BBS2: variants seen among roughly 807,000 people sequenced by gnomAD.
BBS2 encodes the protein BBSome complex member BBS2.
BBS2 carries 62 observed loss-of-function variants against 83.0 expected under a neutral mutation model. The observed-to-expected ratio is 0.75, with a 90% CI of 0.61 to 0.92. BBS2 has a LOEUF of 0.92. BBS2 is among the 40% of genes least tolerant of loss of function. The probability of loss-of-function intolerance (pLI) is 0.00; values close to 1 mark genes in which losing one functional copy is unlikely to be tolerated. For missense variants in BBS2, 784 were observed against 901.0 expected (o/e 0.87, Z 1.66); for synonymous variants, 303 against 326.1 (o/e 0.93, Z 0.76).
chr16:56,496,122 ACT>A (rs1964110055), intron 15 of BBS2, among the ~76,000 whole-genome samples: 1 of 152,190 alleles, frequency 6.6e-6, no homozygotes, highest in South Asian at 2.1e-4. Context: ...CACAAGCAGC[ACT>A]CTGAGTGAAC....
chr16:56,518,822 A>G (rs775846199), intron 1 of BBS2, among the ~76,000 whole-genome samples: 1 of 102,326 alleles, frequency 9.8e-6, no homozygotes, highest in Non-Finnish European at 2.5e-5. Context: ...TCCAAAATCT[A>G]TACAGAAGGT....
At chr16:56,512,501 A>G (rs1414500561) in intron 2 of BBS2, among the ~76,000 whole-genome samples, 1 of 152,226 alleles carries the variant, frequency 6.6e-6, no homozygotes, top group Non-Finnish European at 1.5e-5. Context: ...ACCATAGTAT[A>G]TTCACACAAT....
intron 17 of BBS2, among the ~76,000 whole-genome samples, chr16:56,471,467 C>T (rs1963181465): frequency 6.6e-6 from 1 of 151,912 alleles, no homozygotes. Context: ...CTGAATATAA[C>T]AGCCTAAGAA....
intron 15 of BBS2, among the ~76,000 whole-genome samples, chr16:56,491,725 C>CAAAA (rs773397021): frequency 2.0e-3 from 86 of 43,090 alleles, no homozygotes; most frequent in East Asian, 3.2e-3. Flanking sequence ...AACTCAACAG[C>CAAAA]AAAAAAAAAA....
chr16:56,506,768 C>T (rs1015599073), intron 5 of BBS2, among the ~76,000 whole-genome samples: 31 of 152,064 alleles, frequency 2.0e-4, no homozygotes, highest in African/African-American at 4.8e-4. Flanking sequence ...AACCCAGGCA[C>T]GTGGATTTGT....
intron 1 of BBS2, among the ~76,000 whole-genome samples, chr16:56,515,557 C>T (rs1964713089): frequency 6.6e-6 from 1 of 152,174 alleles, no homozygotes; most frequent in Non-Finnish European, 1.5e-5. Flanking sequence ...ATGAAAAACA[C>T]TGGACTAGGG....
At chr16:56,514,987 C>G (rs1964692781) in intron 1 of BBS2, among the ~76,000 whole-genome samples, 1 of 152,160 alleles carries the variant, frequency 6.6e-6, no homozygotes, top group Non-Finnish European at 1.5e-5. Context: ...TAGGAGCTAG[C>G]CTTTTCCCGA....
intron 17 of BBS2, chr16:56,475,469 A>C (rs781031302): frequency 6.9e-6 from 11 of 1,596,022 alleles, no homozygotes; most frequent in South Asian, 5.5e-5. Flanking sequence ...CTCTTTCAAT[A>C]GGAGCTTTCT....
At chr16:56,499,499 G>C (rs576931555) in intron 12 of BBS2, 6 of 389,378 alleles carry the variant, frequency 1.5e-5, no homozygotes. Flanking sequence ...TACTACACCA[G>C]GACAACCACA....
chr16:56,514,785 G>C, intron 1 of BBS2, 105 bp from the exon 2 acceptor site: 2 of 838,190 alleles, frequency 2.4e-6, no homozygotes, highest in Non-Finnish European at 3.8e-6. Flanking sequence ...ATTAACAAGA[G>C]GTCACTTTAA....
chr16:56,514,704 A>G, intron 1 of BBS2, 24 bp from the exon 2 acceptor site: 1 of 1,534,094 alleles, frequency 6.5e-7, no homozygotes, highest in Non-Finnish European at 9.0e-7. Flanking sequence ...AACTAATTAC[A>G]TTCCCTTAAA....
At chr16:56,519,720 G>A (rs1289956765) in intron 1 of BBS2, 26 bp downstream of exon 1, 1 of 1,563,588 alleles carries the variant, frequency 6.4e-7, no homozygotes, top group African/African-American at 1.4e-5. Flanking sequence ...CTGGGGCCCG[G>A]GCTCCCTGCG....
In BBS2 at chr16:56,519,738, G is replaced by C. The variant is rs1474535437; in HGVS notation, c.117+8C>G. ...GGGCCCGGGCTCCCTGCGGGTGGGAGCGGTTACCTTGCCCGTTTGGGTGGC... is the reference window on the plus strand; with the variant it reads ...GGGCCCGGGCTCCCTGCGGGTGGGACCGGTTACCTTGCCCGTTTGGGTGGC... On this transcript the variant is annotated splice_region_variant and intron_variant, in intron 1 of 16. Transcript: ENST00000245157. 1.9e-5 allele frequency: 30 copies of C among 1,609,010 alleles called. No homozygotes were observed. Among genetic ancestry groups the C allele is most frequent in the Non-Finnish European group, 2.6e-5 (30 of 1,176,198 alleles).
chr16:56,499,992 C>G, intron 11 of BBS2, 85 bp from the exon 12 acceptor site: 1 of 1,533,088 alleles, frequency 6.5e-7, no homozygotes. Flanking sequence ...AAAGCCACTT[C>G]TGGGTCATCA....
At chr16:56,510,126 G>T in intron 4 of BBS2, 92 bp from the exon 5 acceptor site, 1 of 1,065,698 alleles carries the variant, frequency 9.4e-7, no homozygotes, top group Non-Finnish European at 1.4e-6. Flanking sequence ...TACTTTGCAT[G>T]CTGCTTCTGC....
At position 56,511,147 on chromosome 16, in the gene BBS2, T is replaced by C; in HGVS notation, c.471+12A>G. The C allele has an allele frequency of 3.7e-6, 6 of 1,613,938 alleles. No individual in the cohort carries two copies. Among genetic ancestry groups the C allele is most frequent in the Non-Finnish European group, 5.1e-6 (6 of 1,180,002 alleles). ...CTTAAGGGTACCAAAAAGAATGTTT[T>C]CTTCTTCATACCGTCCAAAAGAGAT... is the stretch of plus-strand genomic sequence containing the variant. On this transcript the variant is annotated intron_variant, in intron 3 of 16. Transcript: ENST00000245157.
chr16:56,472,911 T>C (rs940060640), intron 17 of BBS2, among the ~76,000 whole-genome samples: 2 of 149,574 alleles, frequency 1.3e-5, no homozygotes, highest in South Asian at 2.2e-4. Context: ...ACCAAAGCAG[T>C]TTTGCTTTTT....
intron 17 of BBS2, chr16:56,470,810 T>A: frequency 2.6e-6 from 4 of 1,550,310 alleles, no homozygotes; most frequent in Non-Finnish European, 8.7e-7. Flanking sequence ...TTGTTAGGAT[T>A]TGTCCTTACT....
At chr16:56,502,505 C>A in intron 8 of BBS2, 49 bp from the exon 9 acceptor site, 1 of 1,613,580 alleles carries the variant, frequency 6.2e-7, no homozygotes, top group South Asian at 1.1e-5. Flanking sequence ...ACTTTTAGGT[C>A]ATCAATTACC....
Sources: allele counts gnomAD v4.1 joint callset (sites outside exome capture counted in the v4.1 genomes callset), GRCh38; gene constraint gnomAD v4.1.1; transcripts MANE v1.5; gene names NCBI Gene and HGNC (gene_info 2026-07-23, HGNC 2026-07-21).